FHDC1: variants seen among roughly 807,000 people sequenced by gnomAD.
FHDC1 encodes the protein FH2 domain containing 1, also known as FH2 domain-containing protein 1.
A neutral mutation model predicts 52.6 loss-of-function variants in FHDC1; 25 were observed. That is an observed-to-expected ratio of 0.48 (90% CI 0.35 to 0.66). The LOEUF is 0.66. FHDC1 is among the 30% of genes least tolerant of loss of function. FHDC1 has a pLI of 0.01. For synonymous variants in FHDC1, 616 were observed against 581.5 expected, an observed-to-expected ratio of 1.06 and a Z score of -0.85; for missense variants, 1,459 against 1,452.8, an observed-to-expected ratio of 1.00 and a Z score of -0.07.
At chr4:152,916,722 T>C in the FHDC1 span, among the ~76,000 whole-genome samples, 2 of 152,126 alleles carry the variant, frequency 1.3e-5, no homozygotes, top group Non-Finnish European at 2.9e-5. Flanking sequence ...ATTTCTCCTC[T>C]AGCATGGGAG....
At chr4:152,966,273 A>C (rs1740453135) in intron 9 of FHDC1, among the ~76,000 whole-genome samples, 1 of 152,242 alleles carries the variant, frequency 6.6e-6, no homozygotes, top group South Asian at 2.1e-4. Context: ...GGTGAAATAC[A>C]CTTGGGAAAT....
chr4:152,961,616 T>C (rs1740285453), intron 6 of FHDC1, among the ~76,000 whole-genome samples: 1 of 152,200 alleles, frequency 6.6e-6, no homozygotes, highest in Non-Finnish European at 1.5e-5. Flanking sequence ...CTTCACACTT[T>C]TCAGCATGCG....
Position 152,967,054 on chromosome 4 carries a change from G to T in FHDC1, c.1101-926G>T, listed in dbSNP as rs570132367. ...AGGATCACCTGAGCCCAGGAGGTCA[G>T]TGCTGCAGTGAGCCATGATCTTGCC... On this transcript the variant is annotated intron_variant, in intron 9 of 11. Coordinates refer to ENST00000511601, the MANE Select transcript of FHDC1 (RefSeq NM_001371116.1). 7.9e-5 allele frequency among the ~76,000 whole-genome samples: 12 copies of T among 152,238 alleles called. No individual in the cohort carries two copies. The East Asian group carries it at 1.7e-3, about 22-fold the overall frequency.
the FHDC1 span, among the ~76,000 whole-genome samples, chr4:152,930,634 T>C: frequency 6.6e-6 from 1 of 152,218 alleles, no homozygotes. Flanking sequence ...ACTTGAATAA[T>C]AGTATTTCCG....
the FHDC1 span, among the ~76,000 whole-genome samples, chr4:152,923,183 C>CA: frequency 6.6e-6 from 1 of 152,096 alleles, no homozygotes; most frequent in Non-Finnish European, 1.5e-5. Context: ...AATCAATGTA[C>CA]AAAAATCACA....
Position 152,943,042 on chromosome 4 carries a change from A to G in FHDC1, c.-16A>G. On this transcript the variant is annotated 5_prime_UTR_variant, in exon 2 of 12. In the 5' UTR this introduces an upstream ATG that the reference lacks. Coordinates refer to ENST00000511601, the MANE Select transcript of FHDC1 (RefSeq NM_001371116.1). ...TCCAAGGCCAAGAAATTATCTCCATAGGAGGCAACAGTACTATGCATGTTA... is the reference window on the plus strand; with the variant it reads ...TCCAAGGCCAAGAAATTATCTCCATGGGAGGCAACAGTACTATGCATGTTA... 1 of 1,592,312 alleles carries G rather than the reference A, an allele frequency of 6.3e-7. No homozygotes were observed. The highest frequency in any genetic ancestry group is 8.6e-7 in the Non-Finnish European group (1 of 1,166,316).
chr4:152,944,791 A>G (rs889560980), intron 2 of FHDC1, among the ~76,000 whole-genome samples: 1 of 152,240 alleles, frequency 6.6e-6, no homozygotes, highest in African/African-American at 2.4e-5. Flanking sequence ...AGTGCTGAAC[A>G]CAGGCTTGCC....
the FHDC1 span, among the ~76,000 whole-genome samples, chr4:152,928,864 A>G: frequency 2.6e-5 from 4 of 152,152 alleles, no homozygotes; most frequent in African/African-American, 9.6e-5. Context: ...CCATTTATGC[A>G]TGAAAGGACT....
chr4:152,964,508 G>A (rs944801705), intron 8 of FHDC1, among the ~76,000 whole-genome samples: 1 of 144,846 alleles, frequency 6.9e-6, no homozygotes, highest in Non-Finnish European at 1.6e-5. Context: ...ACACTGCCAT[G>A]GCTCCTGTAC....
chr4:152,963,179 G>A, intron 8 of FHDC1, 49 bp downstream of exon 8: 1 of 1,525,294 alleles, frequency 6.6e-7, no homozygotes, highest in Non-Finnish European at 9.0e-7. Context: ...ATACCCCTTG[G>A]AGGCAGTGAA....
At chr4:152,932,254 G>C (rs1739265809), upstream of FHDC1, among the ~76,000 whole-genome samples, 1 of 151,832 alleles carries the variant, frequency 6.6e-6, no homozygotes, top group Non-Finnish European at 1.5e-5. Context: ...AAAAAAATCA[G>C]AAATAAAGTA....
At chr4:152,927,710 T>C in the FHDC1 span, 12 of 1,515,128 alleles carry the variant, frequency 7.9e-6, no homozygotes, top group Non-Finnish European at 1.1e-5. Context: ...TGAGACCAAC[T>C]TCCTTGATGA....
intron 4 of FHDC1, among the ~76,000 whole-genome samples, chr4:152,956,710 C>T (rs1013551580): frequency 6.6e-6 from 1 of 152,186 alleles, no homozygotes; most frequent in Non-Finnish European, 1.5e-5. Context: ...GCCTTCCCAG[C>T]CACTGAACCA....
At chr4:152,958,163 G>A (rs113564269) in intron 4 of FHDC1, among the ~76,000 whole-genome samples, 34 of 152,254 alleles carry the variant, frequency 2.2e-4, no homozygotes, top group African/African-American at 7.9e-4. Context: ...AATTAGATAG[G>A]ATGAAGGAGG....
chr4:152,976,714 A>G lies in FHDC1; in HGVS notation c.3423A>G (p.Leu1141=). ...RTTLGRILNP[L]RK The stretch of plus-strand genomic sequence containing the variant: ...CGCTGGGGAGAATCCTCAATCCCTT[A>G]CGGAAGTGATGGGTGCCTGTCCTCT... Residue 1141 remains leucine, a synonymous_variant, in exon 12 of 12, where the codon TTA becomes TTG. Coordinates refer to ENST00000511601, the MANE Select transcript of FHDC1 (RefSeq NM_001371116.1). The G allele has an allele frequency of 1.4e-6, 2 of 1,479,634 alleles. No individual in the cohort carries two copies. Among genetic ancestry groups the G allele is most frequent in the South Asian group, 1.4e-5 (1 of 72,456 alleles). 91.7% of individuals were successfully genotyped at this position (1,479,634 alleles called of 1,614,324 possible).
chr4:152,950,020 G>A (rs1360051127), intron 2 of FHDC1, among the ~76,000 whole-genome samples: 1 of 152,146 alleles, frequency 6.6e-6, no homozygotes, highest in Admixed American at 6.6e-5. Flanking sequence ...GATCGGAGCT[G>A]GTGGGAGGGA....
intron 2 of FHDC1, among the ~76,000 whole-genome samples, chr4:152,949,124 T>TAATAATAATAATAATAAGAAG (rs1347590282): frequency 1.3e-5 from 1 of 74,702 alleles, no homozygotes; most frequent in African/African-American, 5.1e-5. Context: ...ATAATAATAA[T>TAATAATAATAATAATAAGAAG]AAGAAGAAGA....
At chr4:152,936,749 C>T (rs1308588616) in intron 1 of FHDC1, among the ~76,000 whole-genome samples, 1 of 152,266 alleles carries the variant, frequency 6.6e-6, no homozygotes, top group African/African-American at 2.4e-5. Context: ...CTGCGGGTCG[C>T]ACCTGGGCGG....
In FHDC1 at chr4:152,968,056, C is replaced by T. The variant is rs140012318; in HGVS notation, c.1177C>T (p.Arg393Trp). ...AAAATCACTAAAAGAAAACATCCAGCGGGATGGTGAACTTTGTCAGCAGAT... is the reference window on the plus strand; with the variant it reads ...AAAATCACTAAAAGAAAACATCCAGTGGGATGGTGAACTTTGTCAGCAGAT... ...RTKSLKENIQ[R>W]DGELCQQMED... The change falls in exon 10 of 12, where the codon CGG (arginine) becomes TGG (tryptophan). Residue 393 changes from arginine to tryptophan, a missense_variant. Physicochemically the swap from Arg to Trp is moderately radical, Grantham distance 101. Transcript: ENST00000511601. 7.4e-5 allele frequency: 120 copies of T among 1,613,770 alleles called. 1 individual carries two copies. In the East Asian group the frequency reaches 1.9e-3, roughly 26 times the overall value.
Sources: allele counts gnomAD v4.1 joint callset (sites outside exome capture counted in the v4.1 genomes callset), GRCh38; gene constraint gnomAD v4.1.1; transcripts MANE v1.5; gene names NCBI Gene and HGNC (gene_info 2026-07-23, HGNC 2026-07-21).